ATP2B2: variants seen among roughly 807,000 people sequenced by gnomAD.
The protein encoded by ATP2B2 is plasma membrane calcium-transporting ATPase 2.
In ATP2B2, 15 loss-of-function variants were observed where a neutral mutation model predicts 120.0. The ratio of observed to expected loss-of-function variants is 0.12; its 90% CI spans 0.08 to 0.19. ATP2B2 has a LOEUF of 0.19. ATP2B2 is among the 10% of genes least tolerant of loss of function. The pLI, the probability that ATP2B2 is intolerant of heterozygous loss-of-function variation, is 1.00. For missense variants in ATP2B2, 1,045 were observed against 1,719.8 expected (o/e 0.61, Z 6.94); for synonymous variants, 694 against 700.3 (o/e 0.99, Z 0.14).
intron 1 of ATP2B2, among the ~76,000 whole-genome samples, chr3:10,687,917 C>T (rs2071562839): frequency 6.6e-6 from 1 of 152,090 alleles, no homozygotes; most frequent in Non-Finnish European, 1.5e-5. Flanking sequence ...CAGTTATTAG[C>T]TGGGTGACCT....
At chr3:10,434,552 A>C (rs1426441015) in intron 2 of ATP2B2, among the ~76,000 whole-genome samples, 1 of 152,226 alleles carries the variant, frequency 6.6e-6, no homozygotes, top group Non-Finnish European at 1.5e-5. Context: ...TTTCCTAACA[A>C]CCTTGTAGGT....
intron 2 of ATP2B2, among the ~76,000 whole-genome samples, chr3:10,441,264 GT>G (rs1219600434): frequency 1.3e-5 from 2 of 151,638 alleles, no homozygotes; most frequent in East Asian, 1.9e-4. Context: ...CTGTCTTTTT[GT>G]TTTTTTTGAG....
chr3:10,332,484 A>G (rs2060007638), intron 22 of ATP2B2, among the ~76,000 whole-genome samples: 2 of 152,178 alleles, frequency 1.3e-5, no homozygotes, highest in Non-Finnish European at 2.9e-5. Context: ...CTTGGATCGA[A>G]GTGTGGGATG....
At chr3:10,377,771 A>C (rs993972433) in intron 10 of ATP2B2, among the ~76,000 whole-genome samples, 30 of 152,176 alleles carry the variant, frequency 2.0e-4, no homozygotes, top group Non-Finnish European at 5.9e-5. Context: ...AGTCTCTTCC[A>C]TGGCTCCCAC....
At chr3:10,588,074 T>G (rs780444791) in intron 2 of ATP2B2, among the ~76,000 whole-genome samples, 3 of 152,266 alleles carry the variant, frequency 2.0e-5, no homozygotes, top group African/African-American at 7.2e-5. Flanking sequence ...ATAGAATGTA[T>G]TTTTGCAAAT....
upstream of ATP2B2, chr3:10,708,105 G>T: frequency 7.7e-6 from 1 of 129,234 alleles, no homozygotes; most frequent in East Asian, 2.5e-4. Flanking sequence ...TGCCACCGCT[G>T]CACTGCGCTC....
intron 2 of ATP2B2, among the ~76,000 whole-genome samples, chr3:10,615,524 G>A (rs1348942712): frequency 3.3e-5 from 5 of 152,140 alleles, no homozygotes; most frequent in Non-Finnish European, 5.9e-5. Context: ...ACAGTCCAAC[G>A]GCCAGCCCCT....
At chr3:10,585,828 T>A (rs2068497440) in intron 2 of ATP2B2, among the ~76,000 whole-genome samples, 1 of 152,182 alleles carries the variant, frequency 6.6e-6, no homozygotes, top group African/African-American at 2.4e-5. Context: ...TCACACTGTT[T>A]GGTAGTGCCC....
intron 2 of ATP2B2, among the ~76,000 whole-genome samples, chr3:10,598,582 C>T (rs1306606519): frequency 6.6e-6 from 1 of 152,128 alleles, no homozygotes; most frequent in Non-Finnish European, 1.5e-5. Flanking sequence ...AATGAATGAC[C>T]CTCAACTTCC....
intron 5 of ATP2B2, among the ~76,000 whole-genome samples, chr3:10,395,616 T>C (rs1488632573): frequency 6.6e-6 from 1 of 152,248 alleles, no homozygotes; most frequent in African/African-American, 2.4e-5. Flanking sequence ...GCAACTTTTC[T>C]GAAAGTTTGA....
At chr3:10,619,117 C>T (rs1275626065) in intron 2 of ATP2B2, among the ~76,000 whole-genome samples, 1 of 152,158 alleles carries the variant, frequency 6.6e-6, no homozygotes, top group African/African-American at 2.4e-5. Context: ...TCCTCTGTGG[C>T]CCATTCCAGA....
chr3:10,393,940 A>G (rs1332230326), intron 5 of ATP2B2, among the ~76,000 whole-genome samples: 2 of 152,196 alleles, frequency 1.3e-5, no homozygotes, highest in Admixed American at 1.3e-4. Context: ...TCGGAGTCAA[A>G]GCCTTCTGCT....
intron 1 of ATP2B2, among the ~76,000 whole-genome samples, chr3:10,642,422 C>T (rs549370344): frequency 6.6e-6 from 1 of 152,254 alleles, no homozygotes; most frequent in African/African-American, 2.4e-5. Flanking sequence ...AAAGCAGGCA[C>T]AGTCACTGGC....
At chr3:10,604,636 G>A (rs145211414) in intron 2 of ATP2B2, among the ~76,000 whole-genome samples, 10 of 152,338 alleles carry the variant, frequency 6.6e-5, no homozygotes, top group Non-Finnish European at 1.2e-4. Flanking sequence ...TGTTGGCTCA[G>A]TGTTTTGAAG....
At chr3:10,489,902 G>A (rs1315673186) in intron 1 of ATP2B2, among the ~76,000 whole-genome samples, 3 of 152,216 alleles carry the variant, frequency 2.0e-5, no homozygotes, top group Admixed American at 6.5e-5. Context: ...GGGCTTAGCC[G>A]GGCCACCTCT....
At chr3:10,493,511 G>A (rs1477670786) in intron 1 of ATP2B2, among the ~76,000 whole-genome samples, 1 of 152,162 alleles carries the variant, frequency 6.6e-6, no homozygotes, top group Non-Finnish European at 1.5e-5. Flanking sequence ...CTGCAGAAAG[G>A]AGTCTCGACT....
intron 2 of ATP2B2, among the ~76,000 whole-genome samples, chr3:10,537,774 G>C (rs1204491103): frequency 1.3e-5 from 2 of 152,188 alleles, no homozygotes; most frequent in Admixed American, 6.5e-5. Flanking sequence ...AAAGCATTCA[G>C]TAAGTATAAC....
Position 10,378,396 on chromosome 3 carries a change from C to T in ATP2B2, c.1057G>A (p.Gly353Arg), listed in dbSNP as rs1439146629. The T allele has an allele frequency of 6.2e-6, 10 of 1,602,328 alleles. No homozygotes were observed. Among genetic ancestry groups the T allele is most frequent in the Admixed American group, 1.7e-5 (1 of 60,004 alleles). Residue 353 changes from glycine to arginine, a missense_variant, in exon 10 of 23, where the codon GGG becomes AGG. Gly to Arg is a moderately radical substitution (Grantham distance 125, BLOSUM62 -2). Transcript: ENST00000360273. Reference protein sequence around the residue: ...ASQSKAKQQDGAAAMEMQPLK... With the variant: ...ASQSKAKQQDRAAAMEMQPLK... ...GGCTGCATCTCCATGGCGGCTGCCC[C>T]GTCCTGTTGTTTGGCTGCAGGGGGC...
chr3:10,426,736 C>T (rs1307209194), intron 2 of ATP2B2, among the ~76,000 whole-genome samples: 2 of 152,156 alleles, frequency 1.3e-5, no homozygotes, highest in East Asian at 3.8e-4. Context: ...GCCAGGAAAG[C>T]GGAAGCCTTC....
Sources: gnomAD v4.1 joint callset for allele counts (sites outside exome capture counted in the v4.1 genomes callset) on GRCh38, gnomAD v4.1.1 for gene constraint, MANE v1.5 for transcripts, NCBI Gene and HGNC (gene_info 2026-07-23, HGNC 2026-07-21) for gene names.